The following MAGI1 variants were observed in gnomAD, a reference collection of about 807,000 sequenced individuals.
MAGI1 encodes membrane-associated guanylate kinase, WW and PDZ domain-containing protein 1.
MAGI1 carries 58 observed loss-of-function variants against 139.9 expected under a neutral mutation model. The observed-to-expected ratio is 0.41, with a 90% CI of 0.34 to 0.52. The LOEUF (loss-of-function observed/expected upper bound fraction) is 0.52. Ranked by LOEUF, MAGI1 falls within the 20% of genes least tolerant of loss-of-function variation. The probability of loss-of-function intolerance (pLI) is 0.12; values close to 1 mark genes in which losing one functional copy is unlikely to be tolerated. For synonymous variants in MAGI1, 812 were observed against 737.9 expected (o/e 1.10, Z -1.63); for missense variants, 1,874 against 1,901.6 (o/e 0.99, Z 0.27).
chr3:65,966,636 C>G (rs2107142254), intron 1 of MAGI1, among the ~76,000 whole-genome samples: 1 of 152,134 alleles, frequency 6.6e-6, no homozygotes, highest in East Asian at 1.9e-4. Flanking sequence ...GGGGGCGCGG[C>G]CAAAGCCTAG....
At chr3:65,760,667 A>C (rs1327622588) in intron 1 of MAGI1, among the ~76,000 whole-genome samples, 1 of 152,116 alleles carries the variant, frequency 6.6e-6, no homozygotes, top group Non-Finnish European at 1.5e-5. Context: ...TTTGGTCCTC[A>C]AAGAGGTAGG....
intron 18 of MAGI1, among the ~76,000 whole-genome samples, chr3:65,371,652 C>G (rs1027830384): frequency 9.9e-5 from 15 of 152,142 alleles, no homozygotes; most frequent in African/African-American, 3.4e-4. Flanking sequence ...CTAAGTAGAA[C>G]TTTTTTTGAA....
intron 2 of MAGI1, among the ~76,000 whole-genome samples, chr3:65,538,637 C>T (rs11711510): frequency 0.12 from 18,564 of 151,898 alleles, 1,372 homozygotes; most frequent in Admixed American, 0.16. Context: ...TAATTATAGC[C>T]CTAATGTGAT....
At chr3:65,664,195 G>A (rs1245990715) in intron 1 of MAGI1, among the ~76,000 whole-genome samples, 3 of 151,940 alleles carry the variant, frequency 2.0e-5, no homozygotes, top group Admixed American at 1.3e-4. Flanking sequence ...TAACAGGTTC[G>A]CCAAGAAATT....
chr3:65,430,606 C>T, intron 11 of MAGI1, 93 bp downstream of exon 11: 1 of 1,375,010 alleles, frequency 7.3e-7, no homozygotes, highest in Non-Finnish European at 1.0e-6. Context: ...GTTGCTTGGT[C>T]TTGCTCAAAC....
chr3:65,690,798 T>C (rs532327165), intron 1 of MAGI1, among the ~76,000 whole-genome samples: 1 of 151,040 alleles, frequency 6.6e-6, no homozygotes, highest in Non-Finnish European at 1.5e-5. Context: ...CCAGCCTAGA[T>C]CTACATTTTA....
At chr3:65,509,017 A>G (rs1269197228) in intron 2 of MAGI1, among the ~76,000 whole-genome samples, 1 of 152,180 alleles carries the variant, frequency 6.6e-6, no homozygotes, top group Non-Finnish European at 1.5e-5. Context: ...ATGATCCTGG[A>G]GCTCTTACAA....
intron 5 of MAGI1, among the ~76,000 whole-genome samples, chr3:65,465,282 T>C (rs148673760): frequency 6.6e-6 from 1 of 151,428 alleles, no homozygotes; most frequent in African/African-American, 2.4e-5. Context: ...AAGTATTTTA[T>C]TTATCTATAG....
At chr3:65,860,622 G>A (rs1443272889) in intron 1 of MAGI1, among the ~76,000 whole-genome samples, 1 of 152,206 alleles carries the variant, frequency 6.6e-6, no homozygotes, top group Admixed American at 6.5e-5. Context: ...TCAGCCAGGT[G>A]CCAGAGAAAG....
At chr3:65,601,903 A>G (rs1173533715) in intron 2 of MAGI1, among the ~76,000 whole-genome samples, 1 of 152,164 alleles carries the variant, frequency 6.6e-6, no homozygotes, top group Admixed American at 6.5e-5. Flanking sequence ...TTCTACAACT[A>G]AACAATAAAA....
At chr3:65,696,938 G>C (rs2089247379) in intron 1 of MAGI1, among the ~76,000 whole-genome samples, 2 of 152,094 alleles carry the variant, frequency 1.3e-5, no homozygotes, top group African/African-American at 4.8e-5. Flanking sequence ...TCGAGGAGCT[G>C]GTTTTTTGAA....
chr3:65,705,300 C>CA (rs59337986), intron 1 of MAGI1, among the ~76,000 whole-genome samples: 27,154 of 152,084 alleles, frequency 0.18, 2,846 homozygotes, highest in African/African-American at 0.3. Context: ...GGTTAACATT[C>CA]AGTGGCACAC....
chr3:65,611,770 G>A (rs977557413), intron 2 of MAGI1, among the ~76,000 whole-genome samples: 7 of 149,410 alleles, frequency 4.7e-5, no homozygotes, highest in Non-Finnish European at 1.0e-4. Flanking sequence ...TATATAGTCG[G>A]AGGAAAGAAA....
chr3:65,937,980 A>C (rs1488351855), intron 1 of MAGI1, among the ~76,000 whole-genome samples: 2 of 152,168 alleles, frequency 1.3e-5, no homozygotes, highest in Non-Finnish European at 2.9e-5. Flanking sequence ...AATACGGATC[A>C]AGCAATACTC....
intron 13 of MAGI1, among the ~76,000 whole-genome samples, chr3:65,393,387 C>T (rs531336932): frequency 6.6e-6 from 1 of 152,172 alleles, no homozygotes; most frequent in African/African-American, 2.4e-5. Context: ...TGGAGTTTTT[C>T]CCTCTTATCA....
At position 65,470,476 on chromosome 3, in the gene MAGI1, C is replaced by G. The variant is rs781192018; in HGVS notation, c.766G>C (p.Gly256Arg). The change falls in exon 5 of 23, where the codon GGT becomes CGT. Residue 256 changes from glycine (G) to arginine (R), a missense_variant. By Grantham distance (125) the Gly-to-Arg change is moderately radical. Coordinates refer to ENST00000402939, the MANE Select transcript of MAGI1 (RefSeq NM_001033057.2). ...EMNSSFTADS[G>R]EQEEHTLQET... ...TGGAGAGTGTGCTCCTCTTGTTCAC[C>G]AGAATCGGCTGCTTAATCATGTGAA... is the stretch of plus-strand genomic sequence containing the variant. 12 of 1,607,216 alleles carry G rather than the reference C, an allele frequency of 7.5e-6. No individual in the cohort carries two copies. Among genetic ancestry groups the G allele is most frequent in the Admixed American group, 1.7e-5 (1 of 59,454 alleles).
At chr3:65,926,650 C>T (rs937907896) in intron 1 of MAGI1, among the ~76,000 whole-genome samples, 1 of 152,152 alleles carries the variant, frequency 6.6e-6, no homozygotes, top group African/African-American at 2.4e-5. Context: ...ACACTCCCAC[C>T]AGTAACATGA....
At chr3:65,981,557 T>A (rs2065582553) in intron 1 of MAGI1, among the ~76,000 whole-genome samples, 2 of 152,202 alleles carry the variant, frequency 1.3e-5, no homozygotes, top group Non-Finnish European at 2.9e-5. Flanking sequence ...ATTAGATATA[T>A]GTGGTTAGTA....
chr3:65,825,421 G>A (rs2042169175), intron 1 of MAGI1, among the ~76,000 whole-genome samples: 1 of 152,162 alleles, frequency 6.6e-6, no homozygotes, highest in South Asian at 2.1e-4. Context: ...TTCGCATTCA[G>A]TGACTTCATA....
Sources: gnomAD v4.1 joint callset for allele counts (sites outside exome capture counted in the v4.1 genomes callset) on GRCh38, gnomAD v4.1.1 for gene constraint, MANE v1.5 for transcripts, NCBI Gene and HGNC (gene_info 2026-07-23, HGNC 2026-07-21) for gene names.